Variants in IPO7 observed in about 807,000 individuals in gnomAD.
The protein encoded by IPO7 is importin 7.
In IPO7, 13 loss-of-function variants were observed where a neutral mutation model predicts 136.4. The ratio of observed to expected loss-of-function variants is 0.10; its 90% CI spans 0.06 to 0.15. The LOEUF is 0.15. Ranked by LOEUF, IPO7 falls within the 10% of genes least tolerant of loss-of-function variation. The pLI is 1.00. For missense variants in IPO7, 857 were observed against 1,240.6 expected, an observed-to-expected ratio of 0.69 and a Z score of 4.65; for synonymous variants, 403 against 404.4, an observed-to-expected ratio of 1.00 and a Z score of 0.04.
chr11:9,401,009 C>T (rs1446128123), intron 1 of IPO7, among the ~76,000 whole-genome samples: 5 of 151,456 alleles, frequency 3.3e-5, no homozygotes, highest in Non-Finnish European at 7.4e-5. Flanking sequence ...TGGCAAAACC[C>T]GTCTCTACTA....
chr11:9,438,067 T>G lies in IPO7; in HGVS notation c.2490-13T>G, dbSNP rs748057235. On this transcript the variant is annotated splice_polypyrimidine_tract_variant and intron_variant, in intron 21 of 24. Coordinates refer to ENST00000379719, the MANE Select transcript of IPO7 (RefSeq NM_006391.3). ...ACAGTTTTTTTTTTTTTTTTTTTTT[T>G]TTTTTTTTTTAGGCTTCATGACAGA... 1.4e-5 allele frequency: 19 copies of G among 1,394,756 alleles called. No individual in the cohort carries two copies. Among genetic ancestry groups the G allele is most frequent in the African/African-American group, 6.2e-5 (4 of 64,960 alleles). The allele number at this position is 1,394,756 out of a possible 1,614,324, so 86.4% of individuals were successfully genotyped here.
chr11:9,395,668 A>G (rs1854697733), intron 1 of IPO7, among the ~76,000 whole-genome samples: 1 of 152,198 alleles, frequency 6.6e-6, no homozygotes, highest in African/African-American at 2.4e-5. Context: ...CCCCGCTAAC[A>G]GAAATATACT....
At chr11:9,422,294 TAA>T (rs1425449519) in intron 8 of IPO7, among the ~76,000 whole-genome samples, 1 of 151,756 alleles carries the variant, frequency 6.6e-6, no homozygotes, top group Non-Finnish European at 1.5e-5. Flanking sequence ...AATAAATAAA[TAA>T]AAATACTGTG....
chr11:9,413,853 T>A (rs1453696762), intron 4 of IPO7, among the ~76,000 whole-genome samples: 1 of 151,972 alleles, frequency 6.6e-6, no homozygotes, highest in Non-Finnish European at 1.5e-5. Context: ...TCATTATGCC[T>A]CCTCATCTAT....
chr11:9,437,175 C>T (rs560258205), intron 20 of IPO7, among the ~76,000 whole-genome samples: 83 of 151,908 alleles, frequency 5.5e-4, no homozygotes, highest in African/African-American at 1.4e-3. Context: ...GCATGAGCCA[C>T]GTCACCCGGC....
intron 2 of IPO7, among the ~76,000 whole-genome samples, chr11:9,406,664 A>C (rs1019958924): frequency 1.3e-5 from 2 of 152,172 alleles, no homozygotes; most frequent in Admixed American, 6.6e-5. Flanking sequence ...TGAAGTCAGG[A>C]GTTCAAGACC....
At position 9,394,661 on chromosome 11, in the gene IPO7, T is replaced by C. The variant is rs552443292; in HGVS notation, c.85-8629T>C. On this transcript the variant is annotated intron_variant, in intron 1 of 24. Coordinates refer to ENST00000379719, the MANE Select transcript of IPO7 (RefSeq NM_006391.3). ...TTATCTTTCACTGTTCAAAGTCTTC[T>C]CTGATTTCTGAGTTTACGTCCCTTA... 2.6e-5 allele frequency among the ~76,000 whole-genome samples: 4 copies of C among 152,340 alleles called. No individual in the cohort carries two copies. The East Asian group carries it at 7.7e-4, about 29-fold the overall frequency.
intron 13 of IPO7, 200 bp from the exon 14 acceptor site, chr11:9,428,831 C>A (rs1034740354): frequency 4.0e-5 from 31 of 783,566 alleles, no homozygotes; most frequent in Non-Finnish European, 4.7e-6. Flanking sequence ...CTGTGTTTTT[C>A]ATTCAGATCT....
rs774929561 is a variant in IPO7, at chr11:9,420,656, T to C, written c.864T>C (p.Phe288=). The C allele has an allele frequency of 5.0e-6, 8 of 1,613,644 alleles. No homozygotes were observed. In the Admixed American group the frequency reaches 1.0e-4, roughly 20 times the overall value. ...PGNVSKEYNE[F]AEVFLKAFAV... ...ATGTTTCCAAGGAGTATAATGAATT[T>C]GCTGAAGTATTTCTGAAGGCATTTG... The change falls in exon 8 of 25, where the codon TTT becomes TTC. Residue 288 remains phenylalanine, a synonymous_variant. Transcript: ENST00000379719.
At chr11:9,422,893 T>G in intron 8 of IPO7, 113 bp from the exon 9 acceptor site, 1 of 573,406 alleles carries the variant, frequency 1.7e-6, no homozygotes, top group Non-Finnish European at 3.0e-6. Context: ...ATACGGTTGT[T>G]TTTCTTGATG....
intron 1 of IPO7, among the ~76,000 whole-genome samples, chr11:9,388,123 A>C (rs1444421449): frequency 6.6e-6 from 1 of 151,764 alleles, no homozygotes; most frequent in African/African-American, 2.4e-5. Flanking sequence ...CTCCAGCCTG[A>C]GCAACAAGAG....
chr11:9,428,210 G>A (rs1158264670), intron 12 of IPO7, among the ~76,000 whole-genome samples: 1 of 152,070 alleles, frequency 6.6e-6, no homozygotes, highest in East Asian at 1.9e-4. Flanking sequence ...GTTATTTTCA[G>A]CCAGAAACTT....
At chr11:9,429,579 A>G (rs1016329683) in intron 14 of IPO7, 95 bp from the exon 15 acceptor site, 1 of 899,714 alleles carries the variant, frequency 1.1e-6, no homozygotes, top group African/African-American at 1.7e-5. Context: ...TTTTTATGTG[A>G]AAGTACTTTT....
intron 3 of IPO7, 95 bp downstream of exon 3, chr11:9,408,734 A>C: frequency 1.8e-6 from 1 of 560,174 alleles, no homozygotes; most frequent in Middle Eastern, 5.6e-4. Context: ...TTTTTTTGAG[A>C]TGGACTTTCC....
chr11:9,412,234 C>G (rs1854976822), intron 4 of IPO7, among the ~76,000 whole-genome samples: 1 of 151,904 alleles, frequency 6.6e-6, no homozygotes, highest in African/African-American at 2.4e-5. Context: ...ATTTTTTATT[C>G]CTGGTGATTT....
Position 9,442,147 on chromosome 11 carries a change from A to C in IPO7, c.2969A>C (p.Lys990Thr). The C allele has an allele frequency of 6.2e-7, 1 of 1,610,508 alleles. No individual in the cohort carries two copies. Among genetic ancestry groups the C allele is most frequent in the Non-Finnish European group, 8.5e-7 (1 of 1,176,760 alleles). ...LTHGLNEEQRKQLQDIATLAD... is the reference protein window; with the variant it reads ...LTHGLNEEQRTQLQDIATLAD... ...CACGGTCTTAATGAAGAACAAAGAAAACAGTTACAGGACATAGCAACTCTG... is the reference window on the plus strand; with the variant it reads ...CACGGTCTTAATGAAGAACAAAGAACACAGTTACAGGACATAGCAACTCTG... Residue 990 changes from lysine (K) to threonine (T), a missense_variant, in exon 24 of 25, where the codon AAA becomes ACA. By Grantham distance (78) the Lys-to-Thr change is moderately conservative. Transcript: ENST00000379719.
At chr11:9,411,949 C>T (rs1854973537) in intron 4 of IPO7, among the ~76,000 whole-genome samples, 1 of 152,082 alleles carries the variant, frequency 6.6e-6, no homozygotes, top group Non-Finnish European at 1.5e-5. Context: ...GGTGATGGAC[C>T]TGTGATGCAT....
chr11:9,390,763 A>G (rs963371486), intron 1 of IPO7, among the ~76,000 whole-genome samples: 72 of 3,290 alleles, frequency 0.022, no homozygotes, highest in African/African-American at 0.028. Flanking sequence ...CAGCCTGGGC[A>G]ACATACAAAA....
At chr11:9,392,021 C>T (rs1301258524) in intron 1 of IPO7, among the ~76,000 whole-genome samples, 1 of 152,122 alleles carries the variant, frequency 6.6e-6, no homozygotes, top group Non-Finnish European at 1.5e-5. Flanking sequence ...AGTCACTGCA[C>T]TTGGCTTATT....
Sources: gnomAD v4.1 joint callset for allele counts (sites outside exome capture counted in the v4.1 genomes callset) on GRCh38, gnomAD v4.1.1 for gene constraint, MANE v1.5 for transcripts, NCBI Gene and HGNC (gene_info 2026-07-23, HGNC 2026-07-21) for gene names.